GPR39: variants seen among roughly 807,000 people sequenced by gnomAD.
GPR39 encodes zinc sensing receptor.
GPR39 carries 23 observed loss-of-function variants against 18.4 expected under a neutral mutation model. The ratio of observed to expected loss-of-function variants is 1.25; its 90% CI spans 0.90 to 1.77. The LOEUF (loss-of-function observed/expected upper bound fraction) is 1.77, where lower values mean the gene tolerates loss of function less well. Ranked by LOEUF, GPR39 falls within the 40% of genes most tolerant of loss-of-function variation. GPR39 has a pLI of 0.00. For synonymous variants in GPR39, 280 were observed against 257.9 expected (o/e 1.09, Z -0.82); for missense variants, 647 against 602.4 (o/e 1.07, Z -0.78).
chr2:132,483,357 C>CT (rs2104790602), intron 1 of GPR39, among the ~76,000 whole-genome samples: 1 of 152,352 alleles, frequency 6.6e-6, no homozygotes, highest in Non-Finnish European at 1.5e-5. Flanking sequence ...CTGGCCCACA[C>CT]TTATGCCCAA....
At chr2:132,486,610 C>T (rs1236347656) in intron 1 of GPR39, among the ~76,000 whole-genome samples, 1 of 152,200 alleles carries the variant, frequency 6.6e-6, no homozygotes, top group African/African-American at 2.4e-5. Context: ...CTTTCTTAAA[C>T]CTCATGAACC....
chr2:132,645,419 T>TGCTCTTCGCGTCCCGGC lies in GPR39; in HGVS notation c.1178_1194dup (p.Gln399SerfsTer18), dbSNP rs773140509. On this transcript the variant is annotated frameshift_variant, in exon 2 of 2. Coordinates refer to ENST00000329321, the MANE Select transcript of GPR39 (RefSeq NM_001508.3). LOFTEE classifies it low-confidence loss of function (END_TRUNC). ...AGCGCCCGCTTTGTGCAGCGCCCGT[T>TGCTCTTCGCGTCCCGGC]GCTCTTCGCGTCCCGGCGCCAGTCC... 1.7e-5 allele frequency: 27 copies of TGCTCTTCGCGTCCCGGC among 1,613,626 alleles called. 1 individual carries two copies. The South Asian group carries it at 2.4e-4, about 14-fold the overall frequency.
intron 1 of GPR39, among the ~76,000 whole-genome samples, chr2:132,609,973 T>G (rs1338669765): frequency 1.3e-5 from 2 of 152,020 alleles, no homozygotes; most frequent in Non-Finnish European, 2.9e-5. Context: ...CCCCAACTTC[T>G]GTCTCTGCTT....
chr2:132,501,383 C>T (rs1466063079), intron 1 of GPR39, among the ~76,000 whole-genome samples: 2 of 151,976 alleles, frequency 1.3e-5, no homozygotes, highest in Non-Finnish European at 2.9e-5. Flanking sequence ...TATTTGCATG[C>T]TTTTGAGAGT....
rs534408545 is a variant in GPR39, at chr2:132,645,149, G to A, written c.905G>A (p.Arg302Gln). ...LAVCWMPNQI[R>Q]RIMAAAKPKH... is the part of the protein sequence containing the mutation. Reference sequence around the variant, plus strand: ...GTATGCTGGATGCCCAACCAGATTCGGAGGATCATGGCTGCGGCCAAACCC... The same window carrying A: ...GTATGCTGGATGCCCAACCAGATTCAGAGGATCATGGCTGCGGCCAAACCC... The change falls in exon 2 of 2, where the codon CGG becomes CAG. Residue 302 changes from arginine to glutamine, a missense_variant. Coordinates refer to ENST00000329321, the MANE Select transcript of GPR39 (RefSeq NM_001508.3). 17 of 1,614,054 alleles carry A rather than the reference G, an allele frequency of 1.1e-5. No homozygotes were observed. Among genetic ancestry groups the A allele is most frequent in the East Asian group, 2.2e-5 (1 of 44,862 alleles).
chr2:132,515,115 A>T (rs1426179706), intron 1 of GPR39, among the ~76,000 whole-genome samples: 1 of 152,226 alleles, frequency 6.6e-6, no homozygotes, highest in East Asian at 1.9e-4. Context: ...GGCAGGGGCC[A>T]GTTCTGGTTA....
intron 1 of GPR39, among the ~76,000 whole-genome samples, chr2:132,549,762 C>T (rs1386983248): frequency 6.6e-6 from 1 of 151,860 alleles, no homozygotes; most frequent in Non-Finnish European, 1.5e-5. Context: ...CATTCTAATC[C>T]GGTGACAGAG....
chr2:132,515,662 C>T (rs966417404), intron 1 of GPR39, among the ~76,000 whole-genome samples: 2 of 152,146 alleles, frequency 1.3e-5, no homozygotes, highest in South Asian at 2.1e-4. Flanking sequence ...ATTCCCCTCA[C>T]CCTTTCTTCC....
chr2:132,440,173 C>A (rs1680408378), intron 1 of GPR39, among the ~76,000 whole-genome samples: 1 of 152,142 alleles, frequency 6.6e-6, no homozygotes, highest in Admixed American at 6.5e-5. Context: ...CTAGCCATCT[C>A]CAAAGGACAG....
chr2:132,635,513 G>A (rs1159453630), intron 1 of GPR39, among the ~76,000 whole-genome samples: 1 of 152,126 alleles, frequency 6.6e-6, no homozygotes, highest in Non-Finnish European at 1.5e-5. Context: ...CTAAGTGTGG[G>A]CAATTGGTGT....
intron 1 of GPR39, among the ~76,000 whole-genome samples, chr2:132,551,181 C>G (rs72851132): frequency 0.32 from 48,407 of 151,972 alleles, 7,862 homozygotes; most frequent in Middle Eastern, 0.41. Context: ...GCCTTTGCCT[C>G]AGTCATAAGA....
intron 1 of GPR39, among the ~76,000 whole-genome samples, chr2:132,490,433 C>T (rs562403874): frequency 4.6e-5 from 7 of 151,702 alleles, no homozygotes; most frequent in East Asian, 1.9e-4. Flanking sequence ...GAGGTTTATT[C>T]GATATTTAAC....
intron 1 of GPR39, among the ~76,000 whole-genome samples, chr2:132,585,948 G>GATTTTT (rs1680718516): frequency 1.6e-5 from 1 of 62,974 alleles, no homozygotes; most frequent in African/African-American, 7.3e-5. Flanking sequence ...AGCATCCCCG[G>GATTTTT]TTTTTTTTTT....
At chr2:132,589,276 C>G (rs1406830597) in intron 1 of GPR39, among the ~76,000 whole-genome samples, 1 of 152,188 alleles carries the variant, frequency 6.6e-6, no homozygotes. Flanking sequence ...AACCATGCCT[C>G]CTCCACATCG....
At position 132,645,698 on chromosome 2, in the gene GPR39, A is replaced by G; in HGVS notation, c.*92A>G. ...TGCAGTCTCAAACTATGCCCCCATC[A>G]GGGATGGAATGGACACTGGAGGCTT... On this transcript the variant is annotated 3_prime_UTR_variant, in exon 2 of 2. Transcript: ENST00000329321. The G allele has an allele frequency of 1.3e-6, 2 of 1,496,554 alleles. No homozygotes were observed. The highest frequency in any genetic ancestry group is 4.3e-5 in the Admixed American group (2 of 46,264). 92.7% of individuals were successfully genotyped at this position (1,496,554 alleles called of 1,614,324 possible). A position where few individuals can be genotyped will look rare whatever the true frequency, so the allele number is the denominator to read the frequency against.
intron 1 of GPR39, among the ~76,000 whole-genome samples, chr2:132,561,920 C>T (rs985920098): frequency 2.0e-5 from 3 of 152,176 alleles, no homozygotes; most frequent in Admixed American, 6.5e-5. Flanking sequence ...GGACCAGGCC[C>T]ACCCACATTA....
At chr2:132,530,609 T>C (rs1436484388) in intron 1 of GPR39, among the ~76,000 whole-genome samples, 1 of 152,162 alleles carries the variant, frequency 6.6e-6, no homozygotes, top group African/African-American at 2.4e-5. Context: ...GAGAGAAAGG[T>C]CGGGTTACCC....
intron 1 of GPR39, among the ~76,000 whole-genome samples, chr2:132,571,741 G>A (rs955886646): frequency 1.3e-5 from 2 of 152,136 alleles, no homozygotes; most frequent in African/African-American, 4.8e-5. Context: ...TCATGGGCCT[G>A]GCTTTCAAAG....
chr2:132,577,208 T>G (rs1474922477), intron 1 of GPR39, among the ~76,000 whole-genome samples: 1 of 151,948 alleles, frequency 6.6e-6, no homozygotes, highest in Non-Finnish European at 1.5e-5. Flanking sequence ...AATACAAAAA[T>G]TAACCAGGTG....
Sources: allele counts gnomAD v4.1 joint callset (sites outside exome capture counted in the v4.1 genomes callset), GRCh38; gene constraint gnomAD v4.1.1; transcripts MANE v1.5; gene names NCBI Gene and HGNC (gene_info 2026-07-23, HGNC 2026-07-21).